Variants in MAML3 observed in about 807,000 individuals in gnomAD.
The protein encoded by MAML3 is mastermind like transcriptional coactivator 3.
In MAML3, 27 loss-of-function variants were observed where a neutral mutation model predicts 101.9. That is an observed-to-expected ratio of 0.27 (90% CI 0.20 to 0.37). The LOEUF is 0.37. Among genes scored for constraint, MAML3 ranks in the 10% least tolerant of loss-of-function variants. The probability of loss-of-function intolerance (pLI) is 1.00; values close to 1 mark genes in which losing one functional copy is unlikely to be tolerated. For missense variants in MAML3, 1,316 were observed against 1,444.9 expected, an observed-to-expected ratio of 0.91 and a Z score of 1.45; for synonymous variants, 501 against 555.9, an observed-to-expected ratio of 0.90 and a Z score of 1.39.
intron 1 of MAML3, among the ~76,000 whole-genome samples, chr4:140,037,606 AAACAAACGCAC>A (rs1727007759): frequency 6.6e-6 from 1 of 152,218 alleles, no homozygotes; most frequent in African/African-American, 2.4e-5. Flanking sequence ...AGTTTTGAAC[AAACAAACGCAC>A]GTCTTCATTC....
intron 2 of MAML3, among the ~76,000 whole-genome samples, chr4:139,841,908 C>G (rs568943092): frequency 6.6e-6 from 1 of 152,314 alleles, no homozygotes; most frequent in South Asian, 2.1e-4. Context: ...ATAAAGAGAA[C>G]TAATTACCCT....
intron 2 of MAML3, among the ~76,000 whole-genome samples, chr4:139,740,904 AGCT>A (rs1381184254): frequency 2.0e-5 from 3 of 152,164 alleles, no homozygotes; most frequent in Non-Finnish European, 4.4e-5. Flanking sequence ...GCCTTCCACA[AGCT>A]GCCTTTCTGG....
intron 2 of MAML3, among the ~76,000 whole-genome samples, chr4:139,777,742 C>T (rs935116534): frequency 6.6e-6 from 1 of 152,252 alleles, no homozygotes; most frequent in Admixed American, 6.5e-5. Flanking sequence ...CTGCTTAACA[C>T]TATTCAAAGA....
intron 1 of MAML3, among the ~76,000 whole-genome samples, chr4:139,985,264 C>T (rs1330157172): frequency 2.0e-5 from 3 of 152,158 alleles, no homozygotes; most frequent in Non-Finnish European, 4.4e-5. Context: ...TTACAGGCAA[C>T]TATTTTAGTT....
chr4:140,031,092 A>C (rs1726900605), intron 1 of MAML3, among the ~76,000 whole-genome samples: 1 of 152,132 alleles, frequency 6.6e-6, no homozygotes, highest in African/African-American at 2.4e-5. Context: ...CTGTCCTCCG[A>C]TATTGCCACG....
At chr4:139,970,443 C>T (rs960452529) in intron 1 of MAML3, among the ~76,000 whole-genome samples, 1 of 152,130 alleles carries the variant, frequency 6.6e-6, no homozygotes, top group Non-Finnish European at 1.5e-5. Context: ...ATGGTAGGGA[C>T]TTTGGACTTA....
chr4:139,719,228 AAAAAAAC>A lies in MAML3; in HGVS notation c.*88_*94del, dbSNP rs1486813504. On this transcript the variant is annotated 3_prime_UTR_variant, in exon 5 of 5. Coordinates refer to ENST00000509479, the MANE Select transcript of MAML3 (RefSeq NM_018717.5). ...CAGTTTTGCTCAGTTTACGTGGGTCAAAAAAACAAAAAACAAGGATGGGTCAACATCC... is the reference window on the plus strand; with the variant it reads ...CAGTTTTGCTCAGTTTACGTGGGTCAAAAAAACAAGGATGGGTCAACATCC... 2.1e-6 allele frequency: 3 copies of A among 1,432,344 alleles called. No homozygotes were observed. The highest frequency in any genetic ancestry group is 2.8e-6 in the Non-Finnish European group (3 of 1,081,358). The allele number at this position is 1,432,344 out of a possible 1,614,324, so 88.7% of individuals were successfully genotyped here.
At chr4:139,944,925 T>C (rs1386518218) in intron 1 of MAML3, among the ~76,000 whole-genome samples, 2 of 149,876 alleles carry the variant, frequency 1.3e-5, no homozygotes, top group African/African-American at 4.9e-5. Context: ...GAAATACCAT[T>C]TGACCCAGCC....
chr4:139,939,391 G>A lies in MAML3; in HGVS notation c.469-48424C>T, dbSNP rs955512029. Among the ~76,000 whole-genome samples, 7 of 151,982 alleles carry A rather than the reference G, an allele frequency of 4.6e-5. No homozygotes were observed. The East Asian group carries it at 7.7e-4, about 17-fold the overall frequency. The stretch of plus-strand genomic sequence containing the variant: ...AGAGTCTAAAAGTCTCTGGTTTACT[G>A]CCTGAGGCCCAATCTTCTGGGCACT... On this transcript the variant is annotated intron_variant, in intron 1 of 4. Transcript: ENST00000509479.
At chr4:139,851,454 T>C (rs1323264164) in intron 2 of MAML3, among the ~76,000 whole-genome samples, 2 of 152,200 alleles carry the variant, frequency 1.3e-5, no homozygotes, top group Non-Finnish European at 2.9e-5. Context: ...GGAGAGAAAT[T>C]TGGAAGAAAA....
chr4:139,891,504 C>T (rs933717756), intron 1 of MAML3, among the ~76,000 whole-genome samples: 1 of 152,274 alleles, frequency 6.6e-6, no homozygotes. Context: ...TCTGGAACTC[C>T]TGGCCTCAAG....
At chr4:140,022,269 G>T (rs1016878302) in intron 1 of MAML3, among the ~76,000 whole-genome samples, 1 of 151,972 alleles carries the variant, frequency 6.6e-6, no homozygotes, top group South Asian at 2.1e-4. Flanking sequence ...TTTTTAGTGG[G>T]TTAGCCTAGG....
In MAML3 at chr4:140,077,334, T is replaced by C. The variant is rs182849667; in HGVS notation, c.468+75526A>G. ...CATACAAAACTTCCCCCATCAGTACTGCCATAAAAGGAAGCAGAGGGTTGT... is the reference window on the plus strand; with the variant it reads ...CATACAAAACTTCCCCCATCAGTACCGCCATAAAAGGAAGCAGAGGGTTGT... On this transcript the variant is annotated intron_variant, in intron 1 of 4. Coordinates refer to ENST00000509479, the MANE Select transcript of MAML3 (RefSeq NM_018717.5). Among the ~76,000 whole-genome samples the C allele has an allele frequency of 5.3e-4, 81 of 152,306 alleles. No homozygotes were observed. The East Asian group carries it at 0.015, about 29-fold the overall frequency.
At chr4:139,997,092 T>A (rs1199414369) in intron 1 of MAML3, among the ~76,000 whole-genome samples, 5 of 139,712 alleles carry the variant, frequency 3.6e-5, no homozygotes, top group Non-Finnish European at 8.1e-5. Context: ...ATAAAATAAA[T>A]TTTTTTGAGA....
rs142218706 is a variant in MAML3, at chr4:139,823,679, T to C, written c.2079+65678A>G. Among the ~76,000 whole-genome samples, 1,012 of 152,000 alleles carry C rather than the reference T, an allele frequency of 6.7e-3. 3 individuals carry two copies. The highest frequency in any genetic ancestry group is 0.015 in the South Asian group (71 of 4,766). ...CCCGCTCTGCTTTTTCTTTGTTCCATAGCACTTATAACTGTCTAACATACT... is the reference window on the plus strand; with the variant it reads ...CCCGCTCTGCTTTTTCTTTGTTCCACAGCACTTATAACTGTCTAACATACT... On this transcript the variant is annotated intron_variant, in intron 2 of 4. Transcript: ENST00000509479.
intron 2 of MAML3, among the ~76,000 whole-genome samples, chr4:139,748,546 G>A (rs992477680): frequency 6.6e-6 from 1 of 152,144 alleles, no homozygotes; most frequent in Non-Finnish European, 1.5e-5. Context: ...GAGGCTGCTG[G>A]GGAAAAGTCA....
intron 1 of MAML3, among the ~76,000 whole-genome samples, chr4:139,988,147 C>A (rs1578630712): frequency 6.7e-6 from 1 of 150,270 alleles, no homozygotes; most frequent in African/African-American, 2.4e-5. Flanking sequence ...GCCAACATGG[C>A]GAAACCCCAT....
chr4:139,967,910 C>T (rs1021542290), intron 1 of MAML3, among the ~76,000 whole-genome samples: 1 of 149,470 alleles, frequency 6.7e-6, no homozygotes, highest in Admixed American at 6.7e-5. Context: ...TTTCAAGTCA[C>T]GTTAGGGCAT....
intron 1 of MAML3, among the ~76,000 whole-genome samples, chr4:139,980,110 G>A (rs1158843827): frequency 6.6e-6 from 1 of 152,176 alleles, no homozygotes; most frequent in Non-Finnish European, 1.5e-5. Flanking sequence ...CAGAGGCCAA[G>A]CCCAGCCCGG....
Sources: allele counts gnomAD v4.1 joint callset (sites outside exome capture counted in the v4.1 genomes callset), GRCh38; gene constraint gnomAD v4.1.1; transcripts MANE v1.5; gene names NCBI Gene and HGNC (gene_info 2026-07-23, HGNC 2026-07-21).